Variants in STX18 observed in about 807,000 individuals in gnomAD.
The protein encoded by STX18 is syntaxin-18.
Under a neutral mutation model 50.1 loss-of-function variants are expected in STX18, and 40 were observed. That is an observed-to-expected ratio of 0.80 (90% CI 0.62 to 1.04). The LOEUF (loss-of-function observed/expected upper bound fraction) is 1.04. STX18 is among the 50% of genes least tolerant of loss of function. The pLI, the probability that STX18 is intolerant of heterozygous loss-of-function variation, is 0.00. For missense variants in STX18, 410 were observed against 415.8 expected (o/e 0.99, Z 0.12); for synonymous variants, 158 against 151.8 (o/e 1.04, Z -0.30).
chr4:4,479,190 G>A (rs927539026), intron 1 of STX18, among the ~76,000 whole-genome samples: 5 of 152,120 alleles, frequency 3.3e-5, no homozygotes, highest in Non-Finnish European at 5.9e-5. Flanking sequence ...CTATGCATCC[G>A]ATTTGCTTCT....
At chr4:4,424,529 G>C (rs1368580167) in intron 8 of STX18, among the ~76,000 whole-genome samples, 3 of 152,146 alleles carry the variant, frequency 2.0e-5, no homozygotes, top group Non-Finnish European at 4.4e-5. Flanking sequence ...AAGGCGAAGA[G>C]CCCCTTGGAG....
intron 1 of STX18, among the ~76,000 whole-genome samples, chr4:4,491,072 T>C (rs1262353360): frequency 6.6e-6 from 1 of 151,914 alleles, no homozygotes; most frequent in Non-Finnish European, 1.5e-5. Context: ...ACATTCGGCT[T>C]ATAGCACTTT....
At chr4:4,535,969 A>T (rs1378371991) in intron 1 of STX18, among the ~76,000 whole-genome samples, 3 of 152,264 alleles carry the variant, frequency 2.0e-5, no homozygotes, top group Non-Finnish European at 4.4e-5. Context: ...GCCTCTGAAA[A>T]GGAAATCAAG....
intron 1 of STX18, chr4:4,506,998 T>C: frequency 5.5e-6 from 2 of 363,382 alleles, no homozygotes; most frequent in South Asian, 4.7e-5. Context: ...AAGGTCAAGC[T>C]TACTGTATGC....
chr4:4,447,545 C>G (rs1005792109), intron 5 of STX18, among the ~76,000 whole-genome samples: 1 of 124,160 alleles, frequency 8.1e-6, no homozygotes, highest in African/African-American at 3.1e-5. Context: ...GAGCCGAGAT[C>G]GCGCCACTGC....
intron 7 of STX18, among the ~76,000 whole-genome samples, chr4:4,432,052 C>A (rs890714438): frequency 2.6e-5 from 4 of 152,248 alleles, no homozygotes; most frequent in African/African-American, 9.6e-5. Context: ...AAGGACCTTG[C>A]AGGGCACTTT....
chr4:4,526,525 G>A (rs970952199), intron 1 of STX18, among the ~76,000 whole-genome samples: 1 of 152,148 alleles, frequency 6.6e-6, no homozygotes. Flanking sequence ...ACAACAAAAC[G>A]TCAAAATGTA....
At chr4:4,426,546 A>T (rs1378025393) in intron 7 of STX18, 1 of 152,140 alleles carries the variant, frequency 6.6e-6, no homozygotes, top group Non-Finnish European at 1.5e-5. Context: ...CTAGGGCGGA[A>T]ATGAGTTGCA....
At chr4:4,444,855 G>A (rs901924457) in intron 5 of STX18, among the ~76,000 whole-genome samples, 1 of 152,154 alleles carries the variant, frequency 6.6e-6, no homozygotes, top group Non-Finnish European at 1.5e-5. Flanking sequence ...GGGTGCGCTG[G>A]GTGCAGTGGC....
chr4:4,518,840 G>C (rs915096903), intron 1 of STX18, among the ~76,000 whole-genome samples: 2 of 152,112 alleles, frequency 1.3e-5, no homozygotes, highest in African/African-American at 4.8e-5. Flanking sequence ...TGACATTAAC[G>C]CTCTAAATAA....
At chr4:4,487,795 C>G (rs746218449) in intron 1 of STX18, among the ~76,000 whole-genome samples, 1 of 152,174 alleles carries the variant, frequency 6.6e-6, no homozygotes, top group Non-Finnish European at 1.5e-5. Flanking sequence ...GGAATACGCT[C>G]ACTCTTTTTG....
At chr4:4,499,819 A>G (rs989991317) in intron 1 of STX18, among the ~76,000 whole-genome samples, 3 of 152,336 alleles carry the variant, frequency 2.0e-5, no homozygotes, top group East Asian at 1.9e-4. Context: ...ATAAAAGAAT[A>G]AAAGAATGTG....
intron 1 of STX18, among the ~76,000 whole-genome samples, chr4:4,530,627 CTTTGT>C (rs1731048502): frequency 1.3e-5 from 2 of 152,054 alleles, no homozygotes; most frequent in South Asian, 2.1e-4. Context: ...CTGCTGCAAA[CTTTGT>C]TTTGTTTTGT....
intron 1 of STX18, among the ~76,000 whole-genome samples, chr4:4,490,344 C>T (rs1728890185): frequency 6.6e-6 from 1 of 152,126 alleles, no homozygotes; most frequent in Non-Finnish European, 1.5e-5. Flanking sequence ...ATAGAACAGA[C>T]AAATTTCCTT....
intron 5 of STX18, among the ~76,000 whole-genome samples, chr4:4,451,915 C>CA (rs1295745718): frequency 6.6e-6 from 1 of 152,182 alleles, no homozygotes; most frequent in African/African-American, 2.4e-5. Context: ...GAAGGCAGGT[C>CA]AAAAGCTGAG....
At chr4:4,496,562 ACT>A (rs1345563268) in intron 1 of STX18, among the ~76,000 whole-genome samples, 1 of 152,002 alleles carries the variant, frequency 6.6e-6, no homozygotes, top group Non-Finnish European at 1.5e-5. Context: ...CACACCACCC[ACT>A]GAGCTTACCC....
At chr4:4,422,036 C>T (rs35773240) in intron 9 of STX18, among the ~76,000 whole-genome samples, 9,516 of 152,072 alleles carry the variant, frequency 0.063, 377 homozygotes, top group African/African-American at 0.11. Context: ...TGAATGCTAG[C>T]GTGGGTTTTT....
At chr4:4,433,861 C>T (rs1725645556) in intron 7 of STX18, among the ~76,000 whole-genome samples, 1 of 152,206 alleles carries the variant, frequency 6.6e-6, no homozygotes, top group South Asian at 2.1e-4. Context: ...TGTCTTCATG[C>T]TCCACTCCTT....
rs749161641 is a variant in STX18 at position 4,431,862 on chromosome 4, C to A, written c.702+2908G>T. On this transcript the variant is annotated intron_variant, in intron 7 of 10. Transcript: ENST00000306200. ...GCCACTCCCGGCTCAAGGCCCTCCT[C>A]ATCTCTCAACCTGACTGACAGCAAT... Among the ~76,000 whole-genome samples the A allele has an allele frequency of 6.3e-4, 96 of 152,174 alleles. 1 individual carries two copies. The highest frequency in any genetic ancestry group is 1.3e-3 in the Non-Finnish European group (86 of 68,032).
Sources: allele counts gnomAD v4.1 joint callset (sites outside exome capture counted in the v4.1 genomes callset), GRCh38; gene constraint gnomAD v4.1.1; transcripts MANE v1.5; gene names NCBI Gene and HGNC (gene_info 2026-07-23, HGNC 2026-07-21).